The following OTULIN variants were observed in gnomAD, a reference collection of about 807,000 sequenced individuals.
The protein encoded by OTULIN is ubiquitin thioesterase otulin.
Under a neutral mutation model 39.6 loss-of-function variants are expected in OTULIN, and 15 were observed. The observed-to-expected ratio is 0.38, with a 90% confidence interval of 0.25 to 0.58. The LOEUF is 0.58. Ranked by LOEUF, OTULIN falls within the 20% of genes least tolerant of loss-of-function variation. OTULIN has a pLI of 0.66. For missense variants in OTULIN, 319 were observed against 445.9 expected (o/e 0.72, Z 2.56); for synonymous variants, 156 against 170.3 (o/e 0.92, Z 0.65).
the OTULIN span, chr5:14,713,455 A>T: frequency 1.3e-6 from 2 of 1,548,490 alleles, no homozygotes; most frequent in Non-Finnish European, 1.8e-6. This position sits in a 1 kb window ranked among gnomAD's most constrained non-coding sequence, Gnocchi z 4.4. Context: ...GTGCCTGGGG[A>T]TTTCCCCTGA....
intron 2 of OTULIN, among the ~76,000 whole-genome samples, chr5:14,674,457 G>A (rs1736052940): frequency 1.3e-5 from 2 of 152,214 alleles, no homozygotes; most frequent in Admixed American, 1.3e-4. Context: ...GTGGAAAAAT[G>A]GAATTGAAAG....
chr5:14,710,995 A>G, the OTULIN span: 1 of 603,516 alleles, frequency 1.7e-6, no homozygotes, highest in African/African-American at 1.8e-5. Context: ...TAGCAACAGT[A>G]AAGACCATTC....
At chr5:14,679,863 T>C (rs17363494) in intron 3 of OTULIN, among the ~76,000 whole-genome samples, 23,788 of 152,160 alleles carry the variant, frequency 0.16, 2,436 homozygotes, top group Non-Finnish European at 0.22. Flanking sequence ...CCTGGAATTC[T>C]TAGTTCCTGC....
rs944199863 is a variant in OTULIN at position 14,681,693 on chromosome 5, A to G, written c.468+86A>G. On this transcript the variant is annotated intron_variant, in intron 4 of 6. Transcript: ENST00000284274. Reference sequence around the variant, plus strand: ...TCCCTTTCTGTCCATGCTACCTTCTAGTATCGTCTGCAGTATGATGTCAGC... The same window carrying G: ...TCCCTTTCTGTCCATGCTACCTTCTGGTATCGTCTGCAGTATGATGTCAGC... The G allele has an allele frequency of 2.8e-6, 4 of 1,421,822 alleles. No individual in the cohort carries two copies. The Admixed American group carries it at 7.6e-5, about 27-fold the overall frequency. The allele number at this position is 1,421,822 out of a possible 1,614,324, so 88.1% of individuals were successfully genotyped here.
chr5:14,688,160 C>T (rs1347554129), intron 5 of OTULIN, among the ~76,000 whole-genome samples: 1 of 152,066 alleles, frequency 6.6e-6, no homozygotes, highest in Non-Finnish European at 1.5e-5. Context: ...TCTTCTGATT[C>T]CTATTGATTT....
At chr5:14,665,793 C>T (rs991796950) in intron 1 of OTULIN, among the ~76,000 whole-genome samples, 7 of 152,068 alleles carry the variant, frequency 4.6e-5, no homozygotes, top group Admixed American at 6.5e-5. Context: ...AAAAAAATTC[C>T]TAAAAAGGGG....
Position 14,693,396 on chromosome 5 carries a change from G to T in OTULIN, c.*348G>T. 1 of 181,982 alleles carries T rather than the reference G, an allele frequency of 5.5e-6. No homozygotes were observed. The highest frequency in any genetic ancestry group is 5.9e-5 in the Admixed American group (1 of 16,904). 11.3% of individuals were successfully genotyped at this position (181,982 alleles called of 1,614,324 possible). ...GTCTCAAATCAAAACTCTCTCTAAT[G>T]GTAAACTGGCTTCTAATTTTTTTAA... On this transcript the variant is annotated 3_prime_UTR_variant, in exon 7 of 7. Coordinates refer to ENST00000284274, the MANE Select transcript of OTULIN (RefSeq NM_138348.6).
intron 4 of OTULIN, among the ~76,000 whole-genome samples, chr5:14,683,716 T>C (rs1212757932): frequency 6.6e-6 from 1 of 152,234 alleles, no homozygotes; most frequent in East Asian, 1.9e-4. Flanking sequence ...AATTTTCCTT[T>C]TGAGGCTTTA....
chr5:14,673,551 G>C (rs1017743620), intron 1 of OTULIN, 91 bp from the exon 2 acceptor site: 3 of 1,032,962 alleles, frequency 2.9e-6, no homozygotes, highest in East Asian at 2.5e-5. Context: ...TAAACCCTTA[G>C]TATATTATGC....
intron 4 of OTULIN, among the ~76,000 whole-genome samples, chr5:14,682,457 C>G (rs1391790326): frequency 1.3e-5 from 2 of 151,936 alleles, no homozygotes; most frequent in Non-Finnish European, 2.9e-5. Context: ...CCCAGATGAT[C>G]ATTAGCATTT....
Position 14,698,948 on chromosome 5 carries a change from C to T in OTULIN, c.*5900C>T, listed in dbSNP as rs919764215. 6.6e-6 allele frequency: 1 copy of T among 152,184 alleles called. No homozygotes were observed. Among genetic ancestry groups the T allele is most frequent in the Admixed American group, 6.5e-5 (1 of 15,282 alleles). 9.4% of individuals were successfully genotyped at this position (152,184 alleles called of 1,614,324 possible). A position where few individuals can be genotyped will look rare whatever the true frequency, so the allele number is the denominator to read the frequency against. ...ACTAAAAGGGTGGGCTTGGACAGTT[C>T]CTGAACCTCCCTAAATCTGTTTCTT... On this transcript the variant is annotated 3_prime_UTR_variant, in exon 7 of 7. Coordinates refer to ENST00000284274, the MANE Select transcript of OTULIN (RefSeq NM_138348.6).
intron 1 of OTULIN, among the ~76,000 whole-genome samples, chr5:14,673,013 A>G (rs1736015948): frequency 6.6e-6 from 1 of 152,180 alleles, no homozygotes; most frequent in Non-Finnish European, 1.5e-5. Flanking sequence ...TAACTAAAGT[A>G]CTAGAGACTA....
At position 14,694,092 on chromosome 5, in the gene OTULIN, G is replaced by A. The variant is rs1254017790; in HGVS notation, c.*1044G>A. 1 of 152,254 alleles carries A rather than the reference G, an allele frequency of 6.6e-6. No homozygotes were observed. The allele number at this position is 152,254 out of a possible 1,614,324, so 9.4% of individuals were successfully genotyped here. A position where few individuals can be genotyped will look rare whatever the true frequency, so the allele number is the denominator to read the frequency against. Reference sequence around the variant, plus strand: ...GTGTTGGAGGGTGTGTCCACTGCCAGATCTGTGTAACCCGTCTGGGTCAGG... The same window carrying A: ...GTGTTGGAGGGTGTGTCCACTGCCAAATCTGTGTAACCCGTCTGGGTCAGG... On this transcript the variant is annotated 3_prime_UTR_variant, in exon 7 of 7. Transcript: ENST00000284274.
chr5:14,677,547 G>A (rs1579965579), intron 2 of OTULIN, among the ~76,000 whole-genome samples: 1 of 152,078 alleles, frequency 6.6e-6, no homozygotes, highest in African/African-American at 2.4e-5. Flanking sequence ...GTGCATGTGC[G>A]TGTATATGCA....
intron 4 of OTULIN, among the ~76,000 whole-genome samples, chr5:14,682,112 C>A (rs1048648078): frequency 2.0e-5 from 3 of 152,226 alleles, no homozygotes; most frequent in Admixed American, 2.0e-4. Context: ...CTGTCCCAGG[C>A]CTGGCCCTCT....
intron 3 of OTULIN, among the ~76,000 whole-genome samples, chr5:14,679,866 G>T (rs1170719667): frequency 6.6e-6 from 1 of 152,162 alleles, no homozygotes; most frequent in Non-Finnish European, 1.5e-5. Context: ...GGAATTCTTA[G>T]TTCCTGCCAG....
In OTULIN at chr5:14,693,162, C is replaced by T. The variant is rs1393414220; in HGVS notation, c.*114C>T. ...ACAATCTCTGAGAAGAACCCTTGGG[C>T]CCCTGGGAGCCAAGTTGGACAGGAT... is the stretch of plus-strand genomic sequence containing the variant. On this transcript the variant is annotated 3_prime_UTR_variant, in exon 7 of 7. Coordinates refer to ENST00000284274, the MANE Select transcript of OTULIN (RefSeq NM_138348.6). The T allele has an allele frequency of 2.0e-6, 2 of 977,778 alleles. No individual in the cohort carries two copies. The highest frequency in any genetic ancestry group is 3.0e-6 in the Non-Finnish European group (2 of 676,680). The allele number at this position is 977,778 out of a possible 1,614,324, so 60.6% of individuals were successfully genotyped here. A position where few individuals can be genotyped will look rare whatever the true frequency, so the allele number is the denominator to read the frequency against.
At chr5:14,702,530 T>C (rs540810417), downstream of OTULIN, among the ~76,000 whole-genome samples, 1 of 152,232 alleles carries the variant, frequency 6.6e-6, no homozygotes, top group South Asian at 2.1e-4. Context: ...TAAATAGCAT[T>C]GGGCAGGTTG....
chr5:14,665,406 GTTGGACAGACT>G (rs1314080882), intron 1 of OTULIN, among the ~76,000 whole-genome samples: 2 of 152,224 alleles, frequency 1.3e-5, no homozygotes, highest in Non-Finnish European at 2.9e-5. Context: ...CGTCCCACCT[GTTGGACAGACT>G]TTGGACCCAA....
Sources: allele counts gnomAD v4.1 joint callset (sites outside exome capture counted in the v4.1 genomes callset), GRCh38; gene constraint gnomAD v4.1.1; non-coding constraint Gnocchi (gnomAD v3.1); transcripts MANE v1.5; gene names NCBI Gene and HGNC (gene_info 2026-07-23, HGNC 2026-07-21).